TGFBRAP1: variants seen among roughly 807,000 people sequenced by gnomAD.
TGFBRAP1 encodes the protein transforming growth factor beta receptor associated protein 1.
A neutral mutation model predicts 83.2 loss-of-function variants in TGFBRAP1; 20 were observed. The ratio of observed to expected loss-of-function variants is 0.24; its 90% CI spans 0.17 to 0.35. The LOEUF (loss-of-function observed/expected upper bound fraction) is 0.35. Among genes scored for constraint, TGFBRAP1 ranks in the 10% least tolerant of loss-of-function variants. The pLI, the probability that TGFBRAP1 is intolerant of heterozygous loss-of-function variation, is 1.00. For synonymous variants in TGFBRAP1, 415 were observed against 459.8 expected (o/e 0.90, Z 1.25); for missense variants, 950 against 1,099.4 (o/e 0.86, Z 1.92).
Position 105,280,738 on chromosome 2 carries a change from T to C in TGFBRAP1, c.1122-15A>G, listed in dbSNP as rs1677509302. 1 of 1,604,342 alleles carries C rather than the reference T, an allele frequency of 6.2e-7. No homozygotes were observed. Among genetic ancestry groups the C allele is most frequent in the African/African-American group, 1.3e-5 (1 of 74,550 alleles). ...GCTGGCCGCTTCTGCAATTACAGTG[T>C]CAAACTAAATGAAGCAAAAAGAGAG... On this transcript the variant is annotated splice_polypyrimidine_tract_variant and intron_variant, in intron 5 of 11. Coordinates refer to ENST00000393359, the MANE Select transcript of TGFBRAP1 (RefSeq NM_004257.6).
chr2:105,280,538 C>A lies in TGFBRAP1; in HGVS notation c.1307G>T (p.Arg436Leu). ...RFLMSYLNEV[R>L]STEVANGYKE... ...GTAGCCATTTGCTACCTCTGTGCTG[C>A]GGACCTCGTTCAGGTAGCTCATGAG... The change falls in exon 6 of 12, where the codon CGC becomes CTC. Residue 436 changes from arginine (R) to leucine (L), a missense_variant. Coordinates refer to ENST00000393359, the MANE Select transcript of TGFBRAP1 (RefSeq NM_004257.6). 6.2e-7 allele frequency: 1 copy of A among 1,614,150 alleles called. No homozygotes were observed.
At chr2:105,290,346 C>T (rs1677861565) in intron 4 of TGFBRAP1, among the ~76,000 whole-genome samples, 1 of 152,086 alleles carries the variant, frequency 6.6e-6, no homozygotes, top group South Asian at 2.1e-4. Flanking sequence ...GGATTAGAGG[C>T]GTGAGTCGCT....
In TGFBRAP1 at chr2:105,307,911, C is replaced by G; in HGVS notation, c.391G>C (p.Gly131Arg). 3 of 1,614,222 alleles carry G rather than the reference C, an allele frequency of 1.9e-6. No homozygotes were observed. The highest frequency in any genetic ancestry group is 2.5e-6 in the Non-Finnish European group (3 of 1,180,050). The change falls in exon 2 of 12, where the codon GGG becomes CGG. Residue 131 changes from glycine to arginine, a missense_variant. By Grantham distance (125) the Gly-to-Arg change is moderately radical. Transcript: ENST00000393359. ...CAAACTTCTACACAGAAGGGGTCCC[C>G]ACTCACAGGGTTCTCGTTCAGTGCA... is the stretch of plus-strand genomic sequence containing the variant. ...TFALNENPVS[G>R]DPFCVEVCII...
chr2:105,276,846 A>C (rs1448635072), intron 7 of TGFBRAP1, among the ~76,000 whole-genome samples: 1 of 152,200 alleles, frequency 6.6e-6, no homozygotes, highest in Non-Finnish European at 1.5e-5. Context: ...ATCAAACACT[A>C]AATACATGTT....
At position 105,308,052 on chromosome 2, in the gene TGFBRAP1, C is replaced by T. The variant is rs1006836610; in HGVS notation, c.250G>A (p.Ala84Thr). ...AGCAGCCTGTTGAGTGCTGAGGCCG[C>T]ACGCAGCTCGTTCACGGGCTTCTTG... ...GFKKPVNELR[A>T]ASALNRLLVL... The change falls in exon 2 of 12, where the codon GCG (alanine) becomes ACG (threonine). Residue 84 changes from alanine to threonine, a missense_variant. Ala to Thr is a moderately conservative substitution (Grantham distance 58). Transcript: ENST00000393359. 1.9e-5 allele frequency: 30 copies of T among 1,613,894 alleles called. No individual in the cohort carries two copies. The highest frequency in any genetic ancestry group is 2.2e-5 in the Non-Finnish European group (26 of 1,179,888).
At chr2:105,285,319 A>G (rs1007101486) in intron 4 of TGFBRAP1, among the ~76,000 whole-genome samples, 54 of 152,212 alleles carry the variant, frequency 3.5e-4, no homozygotes, top group African/African-American at 1.3e-3. Flanking sequence ...ACTACTAGCC[A>G]TGTGTCTGCC....
chr2:105,270,495 G>C (rs1450552908), intron 10 of TGFBRAP1, among the ~76,000 whole-genome samples: 1 of 152,204 alleles, frequency 6.6e-6, no homozygotes. Flanking sequence ...AGGACCAGAA[G>C]TGAGGCTCAT....
intron 2 of TGFBRAP1, among the ~76,000 whole-genome samples, chr2:105,300,950 G>A (rs562206795): frequency 5.5e-4 from 83 of 152,210 alleles, no homozygotes; most frequent in African/African-American, 1.8e-3. Flanking sequence ...GAGGTTGGCC[G>A]CAGTGGCTCA....
intron 2 of TGFBRAP1, among the ~76,000 whole-genome samples, chr2:105,301,058 T>A (rs961641679): frequency 2.0e-5 from 3 of 151,854 alleles, no homozygotes; most frequent in African/African-American, 7.3e-5. Context: ...ACCCGGTTGC[T>A]ACAAAAACTA....
chr2:105,271,821 ATTTAC>A (rs1677163473), intron 10 of TGFBRAP1, among the ~76,000 whole-genome samples: 1 of 152,196 alleles, frequency 6.6e-6, no homozygotes, highest in South Asian at 2.1e-4. Flanking sequence ...CTTCAAGGTC[ATTTAC>A]GACAAGCACA....
Position 105,272,869 on chromosome 2 carries a change from A to G in TGFBRAP1, c.1958T>C (p.Val653Ala). 3.1e-6 allele frequency: 5 copies of G among 1,607,680 alleles called. No individual in the cohort carries two copies. Among genetic ancestry groups the G allele is most frequent in the Non-Finnish European group, 4.2e-6 (5 of 1,179,786 alleles). The change falls in exon 10 of 12, where the codon GTC (valine) becomes GCC (alanine). Residue 653 changes from valine to alanine, a missense_variant. Transcript: ENST00000393359. The part of the protein sequence containing the change: ...RLLQKSDLYR[V>A]HFLLERLQGA... ...ATCATCCTCACCGAGAAGAAAGTGGACTCGGTATAAATCAGATTTCTGGAG... is the reference window on the plus strand; with the variant it reads ...ATCATCCTCACCGAGAAGAAAGTGGGCTCGGTATAAATCAGATTTCTGGAG...
intron 11 of TGFBRAP1, 130 bp from the exon 12 acceptor site, chr2:105,267,689 T>A: frequency 6.8e-7 from 1 of 1,478,430 alleles, no homozygotes; most frequent in Non-Finnish European, 8.9e-7. Flanking sequence ...TTCTTTAATA[T>A]CAACTTCTTG....
intron 2 of TGFBRAP1, among the ~76,000 whole-genome samples, chr2:105,304,141 T>A (rs575585556): frequency 6.6e-5 from 10 of 152,320 alleles, no homozygotes; most frequent in Admixed American, 2.6e-4. Context: ...ATTTAGGAAT[T>A]ACTGTCAGGT....
chr2:105,300,625 C>CG (rs1261045344), intron 2 of TGFBRAP1, among the ~76,000 whole-genome samples: 1 of 151,750 alleles, frequency 6.6e-6, no homozygotes, highest in African/African-American at 2.4e-5. Context: ...TTAGTAGAGA[C>CG]GGGGTTTCGC....
intron 1 of TGFBRAP1, among the ~76,000 whole-genome samples, chr2:105,315,075 T>C (rs1445700289): frequency 1.3e-5 from 2 of 152,138 alleles, no homozygotes; most frequent in Non-Finnish European, 2.9e-5. Flanking sequence ...TATAGTTTAA[T>C]TTTTTTAAAA....
chr2:105,276,549 A>G (rs1210681881), intron 7 of TGFBRAP1, among the ~76,000 whole-genome samples: 2 of 152,206 alleles, frequency 1.3e-5, no homozygotes, highest in African/African-American at 4.8e-5. Flanking sequence ...AAATAATCAC[A>G]CATACCTTGA....
At position 105,267,411 on chromosome 2, in the gene TGFBRAP1, C is replaced by G. The variant is rs770332599; in HGVS notation, c.2555G>C (p.Ser852Thr). 24 of 1,614,052 alleles carry G rather than the reference C, an allele frequency of 1.5e-5. No individual in the cohort carries two copies. The highest frequency in any genetic ancestry group is 1.3e-4 in the South Asian group (12 of 91,090). Residue 852 changes from serine to threonine, a missense_variant, in exon 12 of 12, where the codon AGC becomes ACC. Physicochemically the swap from Ser to Thr is moderately conservative, Grantham distance 58. Transcript: ENST00000393359. ...HCAASRHTNP[S>T]SSSPGTRT is the part of the protein sequence containing the mutation. ...AGTCCGAGTGCCAGGACTGGATGAG[C>G]TGGGGTTTGTGTGTCTGCTGGCGGC...
intron 2 of TGFBRAP1, among the ~76,000 whole-genome samples, chr2:105,300,197 T>C (rs1265316730): frequency 6.6e-6 from 1 of 152,096 alleles, no homozygotes; most frequent in Non-Finnish European, 1.5e-5. Flanking sequence ...TGGTTTAAAG[T>C]CTGGTGGTTA....
chr2:105,328,921 C>T (rs1679293888), intron 1 of TGFBRAP1, among the ~76,000 whole-genome samples: 1 of 152,146 alleles, frequency 6.6e-6, no homozygotes, highest in African/African-American at 2.4e-5. Context: ...CAACACTTAA[C>T]ACAGGGAGGC....
Sources: gnomAD v4.1 joint callset for allele counts (sites outside exome capture counted in the v4.1 genomes callset) on GRCh38, gnomAD v4.1.1 for gene constraint, MANE v1.5 for transcripts, NCBI Gene and HGNC (gene_info 2026-07-23, HGNC 2026-07-21) for gene names.